Variants in DENND6A observed in about 807,000 individuals in gnomAD.
DENND6A encodes the protein DENN domain containing 6A.
In DENND6A, 43 loss-of-function variants were observed where a neutral mutation model predicts 95.5. The observed-to-expected ratio is 0.45, with a 90% CI of 0.35 to 0.58. DENND6A has a LOEUF of 0.58. DENND6A is among the 20% of genes least tolerant of loss of function. The pLI is 0.00. For synonymous variants in DENND6A, 257 were observed against 260.4 expected (o/e 0.99, Z 0.13); for missense variants, 574 against 736.0 (o/e 0.78, Z 2.55).
intron 8 of DENND6A, among the ~76,000 whole-genome samples, chr3:57,658,853 T>C (rs1243183922): frequency 2.0e-5 from 3 of 152,148 alleles, no homozygotes; most frequent in Non-Finnish European, 4.4e-5. Context: ...TCAAAGCTTA[T>C]TGAAAAAAAT....
At chr3:57,647,312 A>T (rs1353523936) in intron 9 of DENND6A, among the ~76,000 whole-genome samples, 1 of 152,190 alleles carries the variant, frequency 6.6e-6, no homozygotes, top group African/African-American at 2.4e-5. Flanking sequence ...ACAAAAAAAC[A>T]GCTCATGGGT....
chr3:57,668,865 T>A (rs1419033706), intron 3 of DENND6A, among the ~76,000 whole-genome samples: 1 of 152,138 alleles, frequency 6.6e-6, no homozygotes, highest in Non-Finnish European at 1.5e-5. Flanking sequence ...CATTTCAAAG[T>A]TGGTACAGTA....
intron 12 of DENND6A, among the ~76,000 whole-genome samples, chr3:57,640,209 C>G (rs1178249862): frequency 1.4e-5 from 2 of 146,042 alleles, no homozygotes; most frequent in Non-Finnish European, 3.0e-5. Flanking sequence ...GCAGAGATTG[C>G]AGTGAGCCGA....
chr3:57,629,605 G>A (rs1485689206), intron 18 of DENND6A, among the ~76,000 whole-genome samples: 3 of 146,770 alleles, frequency 2.0e-5, no homozygotes, highest in Non-Finnish European at 4.5e-5. Flanking sequence ...TCCGCCTCCC[G>A]GGTTCACGCC....
chr3:57,680,701 TA>T (rs2077156589), intron 1 of DENND6A, among the ~76,000 whole-genome samples: 1 of 152,106 alleles, frequency 6.6e-6, no homozygotes, highest in Non-Finnish European at 1.5e-5. Context: ...TCTTAAAATA[TA>T]ACAATAAAAA....
chr3:57,677,331 C>T (rs1007105873), intron 1 of DENND6A, among the ~76,000 whole-genome samples: 23 of 151,866 alleles, frequency 1.5e-4, no homozygotes, highest in African/African-American at 5.6e-4. Flanking sequence ...TTCAATTGTG[C>T]CTTGAGTCAG....
In DENND6A at chr3:57,655,430, G is replaced by C. The variant is rs754073185; in HGVS notation, c.818+2250C>G. Among the ~76,000 whole-genome samples the C allele has an allele frequency of 7.2e-5, 11 of 152,308 alleles. No homozygotes were observed. The East Asian group carries it at 1.9e-3, about 27-fold the overall frequency. ...GAGACAAGACATGTGCTAATCAAAG[G>C]TGTTAGTGATGGGGGTAATTAACTA... On this transcript the variant is annotated intron_variant, in intron 9 of 19. Coordinates refer to ENST00000311128, the MANE Select transcript of DENND6A (RefSeq NM_152678.3).
chr3:57,681,778 A>T (rs867065597), intron 1 of DENND6A, among the ~76,000 whole-genome samples: 12 of 152,306 alleles, frequency 7.9e-5, no homozygotes, highest in Admixed American at 2.6e-4. Context: ...GACATGGATG[A>T]ACGTATATGA....
intron 11 of DENND6A, among the ~76,000 whole-genome samples, chr3:57,643,826 CAA>C (rs1158460000): frequency 5.3e-5 from 5 of 94,160 alleles, no homozygotes; most frequent in Admixed American, 1.2e-4. Flanking sequence ...GACTCTGTCT[CAA>C]AAAAAAAAAA....
At chr3:57,643,311 G>A (rs902227604) in intron 11 of DENND6A, among the ~76,000 whole-genome samples, 2 of 152,072 alleles carry the variant, frequency 1.3e-5, no homozygotes, top group East Asian at 1.9e-4. Context: ...GATTAGGGGA[G>A]AAAAGAGGGA....
intron 18 of DENND6A, among the ~76,000 whole-genome samples, chr3:57,629,693 T>C (rs2070622398): frequency 6.6e-6 from 1 of 150,562 alleles, no homozygotes; most frequent in Non-Finnish European, 1.5e-5. Context: ...TTTTTTTTTT[T>C]TTGTATTTTC....
At chr3:57,652,990 T>A (rs1362795488) in intron 9 of DENND6A, among the ~76,000 whole-genome samples, 1 of 152,248 alleles carries the variant, frequency 6.6e-6, no homozygotes, top group African/African-American at 2.4e-5. Context: ...TAGTATTAGA[T>A]GATATTAACT....
intron 12 of DENND6A, 22 bp from the exon 13 acceptor site, chr3:57,634,791 T>C: frequency 1.3e-6 from 2 of 1,519,428 alleles, no homozygotes; most frequent in African/African-American, 2.8e-5. Flanking sequence ...AGCATAAAGA[T>C]TTTTATAATT....
chr3:57,684,173 G>T (rs2077191312), intron 1 of DENND6A, among the ~76,000 whole-genome samples: 1 of 122,234 alleles, frequency 8.2e-6, no homozygotes, highest in East Asian at 2.3e-4. Context: ...AAAAAAAAGA[G>T]TTTATGGGCC....
rs554506765 is a variant in DENND6A at position 57,643,934 on chromosome 3, A to G, written c.1037+1727T>C. ...GGGAAGCCAAGGTGGGCAGATCACG[A>G]GGTCAGGAGTTCAAGACCAGTCTGG... On this transcript the variant is annotated intron_variant, in intron 11 of 19. Coordinates refer to ENST00000311128, the MANE Select transcript of DENND6A (RefSeq NM_152678.3). Among the ~76,000 whole-genome samples, 28 of 151,860 alleles carry G rather than the reference A, an allele frequency of 1.8e-4. No individual in the cohort carries two copies. The East Asian group carries it at 5.1e-3, about 27-fold the overall frequency.
Position 57,693,015 on chromosome 3 carries a change from C to T in DENND6A, c.4G>A (p.Ala2Thr). 6.8e-7 allele frequency: 1 copy of T among 1,469,104 alleles called. No homozygotes were observed. Among genetic ancestry groups the T allele is most frequent in the Middle Eastern group, 2.3e-4 (1 of 4,280 alleles). The allele number at this position is 1,469,104 out of a possible 1,614,324, so 91.0% of individuals were successfully genotyped here. A position where few individuals can be genotyped will look rare whatever the true frequency, so the allele number is the denominator to read the frequency against. Residue 2 changes from alanine (A) to threonine (T), a missense_variant, in exon 1 of 20, where the codon GCT (alanine) becomes ACT (threonine). Coordinates refer to ENST00000311128, the MANE Select transcript of DENND6A (RefSeq NM_152678.3). MALRGPAGLGPG... is the reference protein window; with the variant it reads MTLRGPAGLGPG... ...CCCAAGCCCGCAGGGCCCCTCAAAG[C>T]CATCGGCCGCCCCCTGACCGTTCGC...
At chr3:57,649,915 A>G (rs919836147) in intron 9 of DENND6A, among the ~76,000 whole-genome samples, 5 of 109,172 alleles carry the variant, frequency 4.6e-5, no homozygotes, top group African/African-American at 1.9e-4. Context: ...GACTCTCTGT[A>G]TATATATACA....
At chr3:57,634,261 C>T (rs560140808) in intron 14 of DENND6A, among the ~76,000 whole-genome samples, 106 of 131,066 alleles carry the variant, frequency 8.1e-4, no homozygotes, top group Non-Finnish European at 1.4e-3. Context: ...GGTGAAACCC[C>T]GTCTCTACTA....
chr3:57,659,655 AT>A (rs754238037), intron 7 of DENND6A, among the ~76,000 whole-genome samples: 8 of 152,212 alleles, frequency 5.3e-5, no homozygotes, highest in Non-Finnish European at 1.2e-4. Context: ...GAGAGAGAAC[AT>A]TGTCAAAAAT....
Sources: gnomAD v4.1 joint callset for allele counts (sites outside exome capture counted in the v4.1 genomes callset) on GRCh38, gnomAD v4.1.1 for gene constraint, MANE v1.5 for transcripts, NCBI Gene and HGNC (gene_info 2026-07-23, HGNC 2026-07-21) for gene names.